Variants in TNRC18 observed in about 807,000 individuals in gnomAD.
The protein encoded by TNRC18 is trinucleotide repeat-containing gene 18 protein.
A neutral mutation model predicts 226.7 loss-of-function variants in TNRC18; 69 were observed. The observed-to-expected ratio is 0.30, with a 90% confidence interval of 0.25 to 0.37. The LOEUF (loss-of-function observed/expected upper bound fraction) is 0.37, where lower values mean the gene tolerates loss of function less well. Ranked by LOEUF, TNRC18 falls within the 10% of genes least tolerant of loss-of-function variation. The pLI, the probability that TNRC18 is intolerant of heterozygous loss-of-function variation, is 1.00. For missense variants in TNRC18, 4,754 were observed against 4,256.6 expected, an observed-to-expected ratio of 1.12 and a Z score of -3.25; for synonymous variants, 2,449 against 1,927.6, an observed-to-expected ratio of 1.27 and a Z score of -7.09.
At chr7:5,422,294 G>A (rs1394702184) in intron 1 of TNRC18, among the ~76,000 whole-genome samples, 5 of 152,148 alleles carry the variant, frequency 3.3e-5, no homozygotes, top group Non-Finnish European at 5.9e-5. Flanking sequence ...AAGAGGGGAA[G>A]GAAAGGGATC....
intron 2 of TNRC18, among the ~76,000 whole-genome samples, chr7:5,418,871 C>T (rs1782356302): frequency 6.6e-6 from 1 of 152,208 alleles, no homozygotes; most frequent in African/African-American, 2.4e-5. Context: ...ATGGGATTAG[C>T]ACGGGCTTGG....
intron 2 of TNRC18, among the ~76,000 whole-genome samples, chr7:5,415,440 G>C (rs1782122032): frequency 7.6e-6 from 1 of 132,262 alleles, no homozygotes; most frequent in South Asian, 2.5e-4. Context: ...GCAGTGGCAT[G>C]ATCTTGGCTC....
intron 2 of TNRC18, among the ~76,000 whole-genome samples, chr7:5,418,918 G>A (rs903921872): frequency 5.9e-5 from 9 of 152,298 alleles, no homozygotes; most frequent in South Asian, 2.1e-4. Context: ...GTCTCCTTGC[G>A]GCTACTCGAA....
rs1426445779 is a variant in TNRC18 at position 5,321,207 on chromosome 7, G to A, written c.6443-17C>T. 78 of 1,521,790 alleles carry A rather than the reference G, an allele frequency of 5.1e-5. No homozygotes were observed. Among genetic ancestry groups the A allele is most frequent in the Admixed American group, 1.4e-4 (7 of 50,562 alleles). The allele number at this position is 1,521,790 out of a possible 1,614,324, so 94.3% of individuals were successfully genotyped here. A position where few individuals can be genotyped will look rare whatever the true frequency, so the allele number is the denominator to read the frequency against. On this transcript the variant is annotated splice_polypyrimidine_tract_variant and intron_variant, in intron 21 of 29. Transcript: ENST00000430969. ...AGCGAGGGGCTGCAGGGGTTGGATCGTGAGGCGAGGCTGGAGCCGGGGGCG... is the reference window on the plus strand; with the variant it reads ...AGCGAGGGGCTGCAGGGGTTGGATCATGAGGCGAGGCTGGAGCCGGGGGCG...
intron 11 of TNRC18, among the ~76,000 whole-genome samples, chr7:5,365,495 G>C (rs1004002178): frequency 2.0e-5 from 3 of 152,082 alleles, no homozygotes; most frequent in Non-Finnish European, 4.4e-5. Context: ...TGATGAATAT[G>C]ACCAGGTGTG....
chr7:5,373,530 G>T (rs1019836809), intron 10 of TNRC18, among the ~76,000 whole-genome samples: 2 of 152,184 alleles, frequency 1.3e-5, no homozygotes, highest in African/African-American at 4.8e-5. Flanking sequence ...CTTGGTGCCA[G>T]AATCTGAAGT....
In TNRC18 at chr7:5,394,349, A is replaced by G. The variant is rs1780508263; in HGVS notation, c.343+91T>C. 1 of 1,269,398 alleles carries G rather than the reference A, an allele frequency of 7.9e-7. No homozygotes were observed. The highest frequency in any genetic ancestry group is 1.0e-6 in the Non-Finnish European group (1 of 954,122). The allele number at this position is 1,269,398 out of a possible 1,614,324, so 78.6% of individuals were successfully genotyped here. ...ACCTGGGACCCACCAGCCCCAGCTC[A>G]GCGATGACAACAGAGGGGCACATGA... On this transcript the variant is annotated intron_variant, in intron 3 of 29. Coordinates refer to ENST00000430969, the MANE Select transcript of TNRC18 (RefSeq NM_001080495.3). This position sits in a 1 kb window ranked among gnomAD's most constrained non-coding sequence, Gnocchi z 4.5.
At chr7:5,416,803 C>G (rs1303358092) in intron 2 of TNRC18, among the ~76,000 whole-genome samples, 3 of 151,586 alleles carry the variant, frequency 2.0e-5, no homozygotes, top group Non-Finnish European at 1.5e-5. Context: ...ACCAGCTGGA[C>G]AACATAGCAA....
Position 5,370,870 on chromosome 7 carries a change from C to A in TNRC18, c.3724G>T (p.Ala1242Ser). 1 of 1,608,056 alleles carries A rather than the reference C, an allele frequency of 6.2e-7. No individual in the cohort carries two copies. The change falls in exon 11 of 30, where the codon GCC (alanine) becomes TCC (serine). Residue 1242 changes from alanine to serine, a missense_variant. Transcript: ENST00000430969. ...SPGRTEPCTA[A>S]LDLGVQLTPE... ...GTCAGCTGCACCCCCAGGTCCAGGG[C>A]GGCGGTGCAGGGTTCTGTCCGGCCC...
chr7:5,362,538 G>T, intron 12 of TNRC18, 112 bp downstream of exon 12: 1 of 1,031,122 alleles, frequency 9.7e-7, no homozygotes, highest in East Asian at 2.7e-5. Context: ...CGTAGCTCAG[G>T]CCTCTCTGGC....
intron 17 of TNRC18, among the ~76,000 whole-genome samples, chr7:5,349,897 G>T (rs138923046): frequency 6.6e-6 from 1 of 152,290 alleles, no homozygotes; most frequent in African/African-American, 2.4e-5. Context: ...GGGGTGGAGG[G>T]GGGCACTGAG....
chr7:5,392,935 C>T (rs1191272193), intron 3 of TNRC18, among the ~76,000 whole-genome samples: 1 of 152,068 alleles, frequency 6.6e-6, no homozygotes, highest in African/African-American at 2.4e-5. Context: ...TGGCTTGAGC[C>T]TGGGAGGCGG....
intron 5 of TNRC18, among the ~76,000 whole-genome samples, chr7:5,383,957 A>ATTTTTTTTTTT (rs765430615): frequency 2.5e-5 from 2 of 78,794 alleles, no homozygotes; most frequent in South Asian, 5.7e-4. Context: ...TACCCGGGTG[A>ATTTTTTTTTTT]TTTTTTTTTT....
intron 19 of TNRC18, among the ~76,000 whole-genome samples, chr7:5,327,664 T>G (rs1319990274): frequency 6.6e-6 from 1 of 152,132 alleles, no homozygotes. Flanking sequence ...CAAATTACTG[T>G]TATAATCAGA....
At chr7:5,366,603 C>T (rs143857024) in intron 11 of TNRC18, among the ~76,000 whole-genome samples, 2 of 152,196 alleles carry the variant, frequency 1.3e-5, no homozygotes, top group African/African-American at 4.8e-5. Flanking sequence ...GGATTCCAGG[C>T]GTGAGCCACC....
intron 2 of TNRC18, among the ~76,000 whole-genome samples, chr7:5,413,523 G>A (rs1781971435): frequency 6.6e-6 from 1 of 152,116 alleles, no homozygotes. Flanking sequence ...TAGCAACCCA[G>A]CCTCGTTTCT....
At chr7:5,333,460 TC>T (rs909118015) in intron 18 of TNRC18, among the ~76,000 whole-genome samples, 6 of 151,952 alleles carry the variant, frequency 3.9e-5, no homozygotes, top group Admixed American at 1.3e-4. Flanking sequence ...TCGCCTTCTC[TC>T]CCCCGTTCTT....
At chr7:5,383,957 ATTT>A (rs765430615) in intron 5 of TNRC18, among the ~76,000 whole-genome samples, 15 of 78,788 alleles carry the variant, frequency 1.9e-4, no homozygotes, top group African/African-American at 6.9e-4. Flanking sequence ...TACCCGGGTG[ATTT>A]TTTTTTTTTT....
Position 5,388,508 on chromosome 7 carries a change from G to T in TNRC18, c.1316C>A (p.Pro439Gln). 2 of 1,330,644 alleles carry T rather than the reference G, an allele frequency of 1.5e-6. No individual in the cohort carries two copies. The highest frequency in any genetic ancestry group is 1.8e-5 in the South Asian group (1 of 57,080). 82.4% of individuals were successfully genotyped at this position (1,330,644 alleles called of 1,614,324 possible). A position where few individuals can be genotyped will look rare whatever the true frequency, so the allele number is the denominator to read the frequency against. ...KNSVIRSLKR[P>Q]PPADAPTVRA... ...CACCGTGGGGGCATCCGCGGGGGGC[G>T]GCCGCTTGAGCGAGCGGATGACCGA... Residue 439 changes from proline (P) to glutamine (Q), a missense_variant, in exon 5 of 30, where the codon CCG becomes CAG. By Grantham distance (76) the Pro-to-Gln change is moderately conservative. Transcript: ENST00000430969.
Sources: gnomAD v4.1 joint callset for allele counts (sites outside exome capture counted in the v4.1 genomes callset) on GRCh38, gnomAD v4.1.1 for gene constraint, Gnocchi (gnomAD v3.1) non-coding constraint, MANE v1.5 for transcripts, NCBI Gene and HGNC (gene_info 2026-07-23, HGNC 2026-07-21) for gene names.